The following RMND5A variants were observed in gnomAD, a reference collection of about 807,000 sequenced individuals.
RMND5A encodes required for meiotic nuclear division 5 homolog A.
In RMND5A, 17 loss-of-function variants were observed where a neutral mutation model predicts 49.7. The ratio of observed to expected loss-of-function variants is 0.34; its 90% CI spans 0.23 to 0.51. The LOEUF (loss-of-function observed/expected upper bound fraction) is 0.51, where lower values mean the gene tolerates loss of function less well. Ranked by LOEUF, RMND5A falls within the 20% of genes least tolerant of loss-of-function variation. The pLI is 0.96. For missense variants in RMND5A, 255 were observed against 471.3 expected (o/e 0.54, Z 4.25); for synonymous variants, 156 against 167.7 (o/e 0.93, Z 0.54).
intron 2 of RMND5A, among the ~76,000 whole-genome samples, chr2:86,742,906 C>T (rs888625653): frequency 9.2e-5 from 14 of 151,870 alleles, no homozygotes; most frequent in Admixed American, 2.0e-4. Context: ...GGGATGGGCT[C>T]AGCAACTATA....
At chr2:86,771,851 G>A in intron 8 of RMND5A, 139 bp downstream of exon 8, 2 of 680,132 alleles carry the variant, frequency 2.9e-6, no homozygotes, top group East Asian at 5.4e-5. Context: ...ATTTGGCAAA[G>A]TTGGTGGTAT....
Position 86,720,791 on chromosome 2 carries a change from G to A in RMND5A, c.124G>A (p.Glu42Lys), listed in dbSNP as rs185613013. The change falls in exon 1 of 9, where the codon GAG (glutamate) becomes AAG (lysine). Residue 42 changes from glutamate to lysine, a missense_variant. Glu to Lys is a moderately conservative substitution (Grantham distance 56, BLOSUM62 1). Coordinates refer to ENST00000283632, the MANE Select transcript of RMND5A (RefSeq NM_022780.4). ...CGACTACACCGGCGGCCTCAAGCACGAGATCCTGCAGAGCCACGGTAGGGC... is the reference window on the plus strand; with the variant it reads ...CGACTACACCGGCGGCCTCAAGCACAAGATCCTGCAGAGCCACGGTAGGGC... ...LIDYTGGLKH[E>K]ILQSHGQDAE... is the part of the protein sequence containing the mutation. 6.3e-7 allele frequency: 1 copy of A among 1,594,062 alleles called. No individual in the cohort carries two copies.
chr2:86,766,491 C>T (rs536040427), intron 6 of RMND5A, among the ~76,000 whole-genome samples: 8 of 151,864 alleles, frequency 5.3e-5, no homozygotes, highest in Non-Finnish European at 8.8e-5. Context: ...TAGTGAAACC[C>T]GCCTCTACTA....
chr2:86,721,032 C>T (rs926351495), intron 1 of RMND5A: 21 of 441,822 alleles, frequency 4.8e-5, no homozygotes, highest in East Asian at 1.6e-4. Flanking sequence ...GCGAACCACC[C>T]GGAAACCCAG....
chr2:86,771,575 T>C lies in RMND5A; in HGVS notation c.975T>C (p.Gly325=). The part of the protein sequence containing the change: ...KDELPIEVDL[G]KKCWYHSIFA... ...TTTAACAGATTGAAGTGGACCTTGG[T>C]AAAAAGTGCTGGTATCACTCTATAT... The change falls in exon 8 of 9, where the codon GGT becomes GGC. Residue 325 remains glycine (G), a synonymous_variant. Transcript: ENST00000283632. The C allele has an allele frequency of 6.2e-7, 1 of 1,605,306 alleles. No individual in the cohort carries two copies. Among genetic ancestry groups the C allele is most frequent in the Non-Finnish European group, 8.5e-7 (1 of 1,176,770 alleles).
chr2:86,765,170 C>T lies in RMND5A; in HGVS notation c.665C>T (p.Pro222Leu), dbSNP rs919036287. ...TTACAATATGCTAAAAATTTTCAGCCATTTGCCCTAAATCATCAAAAAGGT... is the reference window on the plus strand; with the variant it reads ...TTACAATATGCTAAAAATTTTCAGCTATTTGCCCTAAATCATCAAAAAGGT... ...EALQYAKNFQ[P>L]FALNHQKDIQ... The change falls in exon 5 of 9, where the codon CCA becomes CTA. Residue 222 changes from proline (P) to leucine (L), a missense_variant. Pro to Leu is a moderately conservative substitution (Grantham distance 98). Around this residue, in one of 3 missense-constraint regions of RMND5A, gnomAD observed 208 missense variants for 339.8 expected, o/e 0.61. Transcript: ENST00000283632. 1.9e-6 allele frequency: 3 copies of T among 1,612,334 alleles called. No individual in the cohort carries two copies. Among genetic ancestry groups the T allele is most frequent in the Non-Finnish European group, 2.5e-6 (3 of 1,179,584 alleles).
chr2:86,771,756 T>C, intron 8 of RMND5A, 44 bp downstream of exon 8: 2 of 1,541,228 alleles, frequency 1.3e-6, no homozygotes, highest in African/African-American at 2.7e-5. Flanking sequence ...TAAATTTTGT[T>C]TTGGAACTTG....
intron 4 of RMND5A, among the ~76,000 whole-genome samples, chr2:86,758,388 A>G (rs1681785252): frequency 1.3e-5 from 2 of 150,454 alleles, no homozygotes; most frequent in African/African-American, 4.9e-5. Flanking sequence ...GTGGCTGCTT[A>G]GTGTTCTCTT....
In RMND5A at chr2:86,775,271, T is replaced by A; in HGVS notation, c.*1860T>A. On this transcript the variant is annotated 3_prime_UTR_variant, in exon 9 of 9. Transcript: ENST00000283632. ...CTGACCAAGGGTGTAAACCAGTTTA[T>A]TATATATATATTTTTCCTTTGAATT... 1 of 152,026 alleles carries A rather than the reference T, an allele frequency of 6.6e-6. No homozygotes were observed. Among genetic ancestry groups the A allele is most frequent in the East Asian group, 1.9e-4 (1 of 5,184 alleles). The allele number at this position is 152,026 out of a possible 1,614,324, so 9.4% of individuals were successfully genotyped here. A position where few individuals can be genotyped will look rare whatever the true frequency, so the allele number is the denominator to read the frequency against.
intron 4 of RMND5A, among the ~76,000 whole-genome samples, chr2:86,758,949 A>G (rs1423596487): frequency 2.6e-5 from 4 of 152,208 alleles, no homozygotes; most frequent in Non-Finnish European, 5.9e-5. Flanking sequence ...GTAAAAATCA[A>G]TGTCATTCAT....
At position 86,777,298 on chromosome 2, in the gene RMND5A, T is replaced by A. The variant is rs1672786163; in HGVS notation, c.*3887T>A. ...TTACTTTAGCAGTCACTTAACCTTCTCCAGCAAGGCAGTTGTGGGGTTCAC... is the reference window on the plus strand; with the variant it reads ...TTACTTTAGCAGTCACTTAACCTTCACCAGCAAGGCAGTTGTGGGGTTCAC... On this transcript the variant is annotated 3_prime_UTR_variant, in exon 9 of 9. Transcript: ENST00000283632. 1 of 152,170 alleles carries A rather than the reference T, an allele frequency of 6.6e-6. No homozygotes were observed. Among genetic ancestry groups the A allele is most frequent in the South Asian group, 2.1e-4 (1 of 4,832 alleles). The allele number at this position is 152,170 out of a possible 1,614,324, so 9.4% of individuals were successfully genotyped here. A position where few individuals can be genotyped will look rare whatever the true frequency, so the allele number is the denominator to read the frequency against.
intron 4 of RMND5A, among the ~76,000 whole-genome samples, chr2:86,755,371 G>T (rs945414384): frequency 6.6e-6 from 1 of 152,222 alleles, no homozygotes; most frequent in African/African-American, 2.4e-5. Context: ...CTCCTGGAGC[G>T]TCAGCTGCCC....
chr2:86,744,224 C>A (rs73947251), intron 2 of RMND5A, among the ~76,000 whole-genome samples: 2 of 152,018 alleles, frequency 1.3e-5, no homozygotes, highest in Non-Finnish European at 2.9e-5. Flanking sequence ...TCAGGAATTC[C>A]GTGTAGGCTG....
rs1334215850 is a variant in RMND5A, at chr2:86,765,941, C to T, written c.771C>T (p.Asn257=). The T allele has an allele frequency of 6.2e-7, 1 of 1,613,998 alleles. No homozygotes were observed. Among genetic ancestry groups the T allele is most frequent in the African/African-American group, 1.3e-5 (1 of 74,904 alleles). ...CATATGTTCACCTACTTGATGCAAA[C>T]CAGTGGGCTGATATCTGTGACATCT... ...NSPYVHLLDA[N]QWADICDIFT... Residue 257 remains asparagine (N), a synonymous_variant, in exon 6 of 9, where the codon AAC becomes AAT. Transcript: ENST00000283632.
chr2:86,728,003 C>T (rs1451239586), intron 1 of RMND5A, among the ~76,000 whole-genome samples: 1 of 76,114 alleles, frequency 1.3e-5, no homozygotes, highest in South Asian at 4.0e-4. Flanking sequence ...AAGATGGAGG[C>T]CTGGATGGTG....
At chr2:86,746,933 A>G (rs868837253) in intron 2 of RMND5A, among the ~76,000 whole-genome samples, 5 of 152,240 alleles carry the variant, frequency 3.3e-5, no homozygotes, top group Admixed American at 6.5e-5. Flanking sequence ...TGGAATGTCT[A>G]CATCAAAAAA....
intron 1 of RMND5A, among the ~76,000 whole-genome samples, chr2:86,721,731 T>C: frequency 6.6e-6 from 1 of 151,164 alleles, no homozygotes; most frequent in Non-Finnish European, 1.5e-5. Context: ...ATTTAATGGG[T>C]CTTTAATAAG....
Position 86,768,801 on chromosome 2 carries a change from G to T in RMND5A, c.855-1222G>T, listed in dbSNP as rs72934494. Among the ~76,000 whole-genome samples, 699 of 152,292 alleles carry T rather than the reference G, an allele frequency of 4.6e-3. 4 individuals are homozygous for T. The highest frequency in any genetic ancestry group is 0.016 in the African/African-American group (673 of 41,570). On this transcript the variant is annotated intron_variant, in intron 6 of 8. Coordinates refer to ENST00000283632, the MANE Select transcript of RMND5A (RefSeq NM_022780.4). ...ATGAGTGCTTCCACCCTGGACAGGGGTGATCTGGGGATAAGAGGAACTATG... is the reference window on the plus strand; with the variant it reads ...ATGAGTGCTTCCACCCTGGACAGGGTTGATCTGGGGATAAGAGGAACTATG...
At chr2:86,743,960 A>C (rs1005971754) in intron 2 of RMND5A, among the ~76,000 whole-genome samples, 3 of 151,046 alleles carry the variant, frequency 2.0e-5, no homozygotes, top group African/African-American at 7.3e-5. Context: ...TCTGGGCAAC[A>C]GAGCGAGACT....
Sources: gnomAD v4.1 joint callset for allele counts (sites outside exome capture counted in the v4.1 genomes callset) on GRCh38, gnomAD v4.1.1 for gene constraint, gnomAD v4.1.1 regional missense constraint, MANE v1.5 for transcripts, NCBI Gene and HGNC (gene_info 2026-07-23, HGNC 2026-07-21) for gene names.